OPCML: variants seen among roughly 807,000 people sequenced by gnomAD.
The protein encoded by OPCML is opioid-binding protein/cell adhesion molecule.
A neutral mutation model predicts 37.8 loss-of-function variants in OPCML; 13 were observed. The ratio of observed to expected loss-of-function variants is 0.34; its 90% confidence interval spans 0.22 to 0.55. The LOEUF (loss-of-function observed/expected upper bound fraction) is 0.55. OPCML is among the 20% of genes least tolerant of loss of function. The pLI is 0.91. For missense variants in OPCML, 341 were observed against 435.6 expected (o/e 0.78, Z 1.93); for synonymous variants, 176 against 168.8 (o/e 1.04, Z -0.33).
At chr11:133,419,157 C>T in intron 1 of OPCML, 1 of 731,476 alleles carries the variant, frequency 1.4e-6, no homozygotes, top group Non-Finnish European at 1.7e-6. Flanking sequence ...AACTCCTTCT[C>T]TACTGCAATA....
rs781526196 is a variant in OPCML at position 133,026,577 on chromosome 11, A to C, written c.62-83567T>G. ...AACACCTAAATCTGGTCTAGGTGAA[A>C]CTGTGATTCTTTCTAGCTAATGTCC... On this transcript the variant is annotated intron_variant, in intron 1 of 7. Coordinates refer to ENST00000524381, the MANE Select transcript of OPCML (RefSeq NM_001012393.5). 697 of 985,096 alleles carry C rather than the reference A, an allele frequency of 7.1e-4. 2 individuals are homozygous for C. The highest frequency in any genetic ancestry group is 8.0e-4 in the Non-Finnish European group (664 of 829,722). The allele number at this position is 985,096 out of a possible 1,614,324, so 61.0% of individuals were successfully genotyped here. A position where few individuals can be genotyped will look rare whatever the true frequency, so the allele number is the denominator to read the frequency against.
chr11:132,638,623 T>C (rs1339395276), intron 3 of OPCML, among the ~76,000 whole-genome samples: 2 of 152,154 alleles, frequency 1.3e-5, no homozygotes, highest in East Asian at 1.9e-4. Flanking sequence ...GAACCTCTGA[T>C]TGGCCTTTTG....
At chr11:133,026,399 C>T in intron 1 of OPCML, 1 of 985,422 alleles carries the variant, frequency 1.0e-6, no homozygotes, top group Non-Finnish European at 1.2e-6. Flanking sequence ...AGCACCTTGC[C>T]TGCCTCTTCT....
At chr11:133,119,667 G>A (rs1362894784) in intron 1 of OPCML, among the ~76,000 whole-genome samples, 2 of 152,184 alleles carry the variant, frequency 1.3e-5, no homozygotes, top group East Asian at 3.9e-4. Flanking sequence ...ATTTCAAAGT[G>A]TAAAATTCAG....
At chr11:133,148,949 T>G (rs1949935765) in intron 1 of OPCML, among the ~76,000 whole-genome samples, 1 of 152,166 alleles carries the variant, frequency 6.6e-6, no homozygotes, top group South Asian at 2.1e-4. Context: ...AGCAGGCTGA[T>G]GCATTCAGTC....
At chr11:132,692,191 T>A (rs1368607308) in intron 2 of OPCML, among the ~76,000 whole-genome samples, 1 of 151,606 alleles carries the variant, frequency 6.6e-6, no homozygotes, top group African/African-American at 2.4e-5. Flanking sequence ...GAAGATCAGG[T>A]TTGCCTTTTG....
chr11:133,169,669 G>A (rs1243225866), intron 1 of OPCML, among the ~76,000 whole-genome samples: 1 of 152,258 alleles, frequency 6.6e-6, no homozygotes, highest in African/African-American at 2.4e-5. Flanking sequence ...ATACACAGGT[G>A]ACATATTTTA....
chr11:133,402,480 C>A (rs957739090), intron 1 of OPCML, among the ~76,000 whole-genome samples: 9 of 152,154 alleles, frequency 5.9e-5, no homozygotes, highest in African/African-American at 2.2e-4. Flanking sequence ...TCTAGAGAAG[C>A]AAGGCAGCTA....
At chr11:132,642,361 A>G (rs57082730) in intron 3 of OPCML, among the ~76,000 whole-genome samples, 6,699 of 152,272 alleles carry the variant, frequency 0.044, 356 homozygotes, top group African/African-American at 0.13. Flanking sequence ...AACAATATCA[A>G]AACTAGTTAT....
chr11:132,942,175 TGCA>T (rs1202384967), intron 2 of OPCML, among the ~76,000 whole-genome samples: 2 of 152,210 alleles, frequency 1.3e-5, no homozygotes, highest in East Asian at 3.8e-4. Flanking sequence ...AAGTATCTGC[TGCA>T]GCAAGTCCAG....
At chr11:133,372,835 GTA>G (rs1255958005) in intron 1 of OPCML, among the ~76,000 whole-genome samples, 1 of 152,110 alleles carries the variant, frequency 6.6e-6, no homozygotes, top group Non-Finnish European at 1.5e-5. Context: ...CCATTCTCAG[GTA>G]TCTCTTGCTT....
At chr11:133,129,754 T>C (rs951292331) in intron 1 of OPCML, among the ~76,000 whole-genome samples, 15 of 151,786 alleles carry the variant, frequency 9.9e-5, no homozygotes, top group African/African-American at 3.1e-4. Flanking sequence ...ATAATAATAA[T>C]AAAAAGCTGT....
chr11:132,985,598 A>G (rs1017456406), intron 1 of OPCML, among the ~76,000 whole-genome samples: 1 of 152,216 alleles, frequency 6.6e-6, no homozygotes, highest in African/African-American at 2.4e-5. Context: ...GATAAATTCA[A>G]AATAAACTGG....
At chr11:132,479,707 G>T (rs939231494) in intron 4 of OPCML, among the ~76,000 whole-genome samples, 25 of 152,140 alleles carry the variant, frequency 1.6e-4, no homozygotes, top group Non-Finnish European at 4.4e-5. Flanking sequence ...CCTCAAGTGG[G>T]TCCCTGACCC....
At chr11:132,663,525 T>A (rs1942077785) in intron 2 of OPCML, among the ~76,000 whole-genome samples, 1 of 152,232 alleles carries the variant, frequency 6.6e-6, no homozygotes, top group Admixed American at 6.5e-5. Flanking sequence ...CAATTAAATT[T>A]AAATGTTCAG....
chr11:133,365,401 G>A (rs1258190173), intron 1 of OPCML: 1 of 152,322 alleles, frequency 6.6e-6, no homozygotes, highest in Non-Finnish European at 1.5e-5. Context: ...GCAGATAGTG[G>A]TTTTCTCATT....
chr11:133,016,248 G>A (rs537244670), intron 1 of OPCML, among the ~76,000 whole-genome samples: 1 of 152,292 alleles, frequency 6.6e-6, no homozygotes, highest in Admixed American at 6.5e-5. Context: ...AAGTCAAGGG[G>A]TCAAACAGCC....
At chr11:132,697,802 G>A (rs1375181788) in intron 2 of OPCML, among the ~76,000 whole-genome samples, 1 of 151,814 alleles carries the variant, frequency 6.6e-6, no homozygotes, top group Non-Finnish European at 1.5e-5. Flanking sequence ...CTCTCTCTCT[G>A]TTGCCCAGGC....
At chr11:133,449,944 C>T (rs1946548005) in intron 1 of OPCML, among the ~76,000 whole-genome samples, 1 of 151,698 alleles carries the variant, frequency 6.6e-6, no homozygotes, top group Non-Finnish European at 1.5e-5. Context: ...ATGGGACCCA[C>T]TTCTAGCCAG....
Sources: gnomAD v4.1 joint callset for allele counts (sites outside exome capture counted in the v4.1 genomes callset) on GRCh38, gnomAD v4.1.1 for gene constraint, MANE v1.5 for transcripts, NCBI Gene and HGNC (gene_info 2026-07-23, HGNC 2026-07-21) for gene names.